Variants in E2F5 observed in about 807,000 individuals in gnomAD.
E2F5 encodes E2F transcription factor 5.
In E2F5, 23 loss-of-function variants were observed where a neutral mutation model predicts 39.1. The observed-to-expected ratio is 0.59, with a 90% confidence interval of 0.42 to 0.83. The LOEUF is 0.83. E2F5 is among the 40% of genes least tolerant of loss of function. The pLI is 0.00. For synonymous variants in E2F5, 145 were observed against 157.8 expected (o/e 0.92, Z 0.61); for missense variants, 365 against 406.7 (o/e 0.90, Z 0.88).
At chr8:85,186,755 A>C (rs924153837) in intron 1 of E2F5, among the ~76,000 whole-genome samples, 1 of 147,716 alleles carries the variant, frequency 6.8e-6, no homozygotes, top group Non-Finnish European at 1.5e-5. Context: ...TATATGGTAT[A>C]TATAAGGTGT....
chr8:85,200,192 A>T (rs1812665644), intron 1 of E2F5: 2 of 440,814 alleles, frequency 4.5e-6, no homozygotes, highest in South Asian at 1.9e-4. Context: ...GGTTGCAGTG[A>T]GCCAAGATCA....
intron 1 of E2F5, among the ~76,000 whole-genome samples, chr8:85,181,672 T>C (rs548159786): frequency 2.2e-5 from 3 of 139,364 alleles, no homozygotes; most frequent in Admixed American, 2.1e-4. Context: ...ATTGAAAACA[T>C]GGCTCGGTCA....
At chr8:85,211,666 T>G (rs894523557) in intron 6 of E2F5, among the ~76,000 whole-genome samples, 1 of 143,254 alleles carries the variant, frequency 7.0e-6, no homozygotes, top group African/African-American at 2.6e-5. Context: ...TTTTTTTTTT[T>G]TTTTTGGCAG....
chr8:85,187,375 G>C (rs1812365582), intron 1 of E2F5, among the ~76,000 whole-genome samples: 1 of 152,028 alleles, frequency 6.6e-6, no homozygotes, highest in South Asian at 2.1e-4. Flanking sequence ...GTCCATTACT[G>C]AAAGTGGGCT....
chr8:85,179,148 G>A (rs1812147901), intron 1 of E2F5, among the ~76,000 whole-genome samples: 1 of 152,186 alleles, frequency 6.6e-6, no homozygotes, highest in African/African-American at 2.4e-5. Context: ...AAGTCATGAA[G>A]TTATCAGAGA....
In E2F5 at chr8:85,209,404, C is replaced by G. The variant is rs1447848850; in HGVS notation, c.878C>G (p.Ser293Cys). 6.2e-7 allele frequency: 1 copy of G among 1,606,208 alleles called. No homozygotes were observed. Among genetic ancestry groups the G allele is most frequent in the East Asian group, 2.2e-5 (1 of 44,622 alleles). ...ALQQTSATDI[S>C]SAGSISGDII... is the part of the protein sequence containing the mutation. The stretch of plus-strand genomic sequence containing the variant: ...CAGCAGACATCAGCTACAGATATAT[C>G]TTCAGGTGGGTTCAGAGCCTTTCTT... The change falls in exon 6 of 8, where the codon TCT (serine) becomes TGT (cysteine). Residue 293 changes from serine (S) to cysteine (C), a missense_variant. By Grantham distance (112) the Ser-to-Cys change is moderately radical. Coordinates refer to ENST00000416274, the MANE Select transcript of E2F5 (RefSeq NM_001951.4).
intron 1 of E2F5, among the ~76,000 whole-genome samples, chr8:85,196,073 G>C (rs1340839525): frequency 6.6e-6 from 1 of 152,076 alleles, no homozygotes; most frequent in African/African-American, 2.4e-5. Context: ...AGTTAGTTTG[G>C]AGTGACAAGA....
At position 85,209,293 on chromosome 8, in the gene E2F5, C is replaced by A; in HGVS notation, c.767C>A (p.Ser256Tyr). 1.2e-6 allele frequency: 2 copies of A among 1,613,990 alleles called. No individual in the cohort carries two copies. Among genetic ancestry groups the A allele is most frequent in the Non-Finnish European group, 8.5e-7 (1 of 1,179,894 alleles). ...GACCTCACACAGCCTTCCTCCCAGT[C>A]CTTGACTCCAGTGACTCCACAGAAA... is the stretch of plus-strand genomic sequence containing the variant. ...PDDLTQPSSQ[S>Y]LTPVTPQKSS... The change falls in exon 6 of 8, where the codon TCC (serine) becomes TAC (tyrosine). Residue 256 changes from serine (S) to tyrosine (Y), a missense_variant. Transcript: ENST00000416274.
intron 5 of E2F5, among the ~76,000 whole-genome samples, chr8:85,207,813 G>T (rs999148728): frequency 1.3e-5 from 2 of 152,060 alleles, no homozygotes; most frequent in Non-Finnish European, 2.9e-5. Context: ...TAAAACTATT[G>T]TATAAAATTA....
In E2F5 at chr8:85,214,071, T is replaced by G. The variant is rs1156497849; in HGVS notation, c.*209T>G. The G allele has an allele frequency of 1.7e-6, 1 of 586,762 alleles. No homozygotes were observed. Among genetic ancestry groups the G allele is most frequent in the African/African-American group, 1.9e-5 (1 of 53,630 alleles). The allele number at this position is 586,762 out of a possible 1,614,324, so 36.3% of individuals were successfully genotyped here. A position where few individuals can be genotyped will look rare whatever the true frequency, so the allele number is the denominator to read the frequency against. On this transcript the variant is annotated 3_prime_UTR_variant, in exon 8 of 8. Coordinates refer to ENST00000416274, the MANE Select transcript of E2F5 (RefSeq NM_001951.4). ...GCTTTAGGGGATAAGTGATTTAATA[T>G]CCACAAACGTCCCCACTCCCAAAAG...
At chr8:85,181,316 G>C (rs959928545) in intron 1 of E2F5, among the ~76,000 whole-genome samples, 1 of 151,872 alleles carries the variant, frequency 6.6e-6, no homozygotes, top group Non-Finnish European at 1.5e-5. Context: ...ACGTAAGGTT[G>C]TATCTTAGTG....
chr8:85,196,028 A>T (rs1812572347), intron 1 of E2F5, among the ~76,000 whole-genome samples: 1 of 152,162 alleles, frequency 6.6e-6, no homozygotes, highest in Non-Finnish European at 1.5e-5. Flanking sequence ...AAAAATTTAA[A>T]GCTTATGCAT....
At chr8:85,186,966 A>G (rs1812358037) in intron 1 of E2F5, among the ~76,000 whole-genome samples, 1 of 150,830 alleles carries the variant, frequency 6.6e-6, no homozygotes, top group Non-Finnish European at 1.5e-5. Context: ...AGCATAAAAA[A>G]AAATCCCTGT....
At chr8:85,199,437 C>G (rs1348004241) in intron 1 of E2F5, among the ~76,000 whole-genome samples, 1 of 152,158 alleles carries the variant, frequency 6.6e-6, no homozygotes, top group Non-Finnish European at 1.5e-5. Flanking sequence ...ACTTCCCTCT[C>G]TTCTTTGAGG....
At chr8:85,181,213 C>A (rs955894346) in intron 1 of E2F5, among the ~76,000 whole-genome samples, 3 of 152,086 alleles carry the variant, frequency 2.0e-5, no homozygotes, top group Non-Finnish European at 4.4e-5. Context: ...TATCAAACTT[C>A]AAGTAAAATA....
chr8:85,189,037 G>A (rs921379910), intron 1 of E2F5, among the ~76,000 whole-genome samples: 21 of 152,088 alleles, frequency 1.4e-4, no homozygotes, highest in Non-Finnish European at 2.9e-5. Flanking sequence ...TTGCTGAAGC[G>A]TCCTACTCTG....
intron 1 of E2F5, among the ~76,000 whole-genome samples, chr8:85,180,741 C>T (rs558274313): frequency 2.0e-4 from 30 of 150,636 alleles, no homozygotes; most frequent in Admixed American, 3.3e-4. Context: ...TCACGCCCGG[C>T]TAATTTTTTT....
chr8:85,214,414 T>C lies in E2F5; in HGVS notation c.*552T>C. ...TTTTGTTGACTTCTGACATTCCACT[T>C]TCCTAGGTTATAGGAAAGATCTGTT... is the stretch of plus-strand genomic sequence containing the variant. On this transcript the variant is annotated 3_prime_UTR_variant, in exon 8 of 8. Transcript: ENST00000416274. The C allele has an allele frequency of 1.5e-6, 1 of 655,414 alleles. No homozygotes were observed. The highest frequency in any genetic ancestry group is 2.7e-6 in the Non-Finnish European group (1 of 368,536). The allele number at this position is 655,414 out of a possible 1,614,324, so 40.6% of individuals were successfully genotyped here. A position where few individuals can be genotyped will look rare whatever the true frequency, so the allele number is the denominator to read the frequency against.
At position 85,177,394 on chromosome 8, in the gene E2F5, G is replaced by A. The variant is rs909599402; in HGVS notation, c.-27G>A. The A allele has an allele frequency of 9.1e-6, 9 of 987,156 alleles. No homozygotes were observed. Among genetic ancestry groups the A allele is most frequent in the Non-Finnish European group, 1.1e-5 (9 of 832,050 alleles). The allele number at this position is 987,156 out of a possible 1,614,324, so 61.1% of individuals were successfully genotyped here. Reference sequence around the variant, plus strand: ...GGCCGGCGAGCGAAAGTGCGCGGGGGCCCGACCACCGCGGGGCCGGGACGC... The same window carrying A: ...GGCCGGCGAGCGAAAGTGCGCGGGGACCCGACCACCGCGGGGCCGGGACGC... On this transcript the variant is annotated 5_prime_UTR_variant, in exon 1 of 8. Transcript: ENST00000416274.
Sources: allele counts gnomAD v4.1 joint callset (sites outside exome capture counted in the v4.1 genomes callset), GRCh38; gene constraint gnomAD v4.1.1; transcripts MANE v1.5; gene names NCBI Gene and HGNC (gene_info 2026-07-23, HGNC 2026-07-21).